Variants in CSMD1 observed in about 807,000 individuals in gnomAD.
CSMD1 encodes CUB and sushi domain-containing protein 1.
A neutral mutation model predicts 417.5 loss-of-function variants in CSMD1; 213 were observed. The ratio of observed to expected loss-of-function variants is 0.51; its 90% confidence interval spans 0.46 to 0.57. The LOEUF (loss-of-function observed/expected upper bound fraction) is 0.57, where lower values mean the gene tolerates loss of function less well. CSMD1 is among the 20% of genes least tolerant of loss of function. The pLI, the probability that CSMD1 is intolerant of heterozygous loss-of-function variation, is 0.00. For synonymous variants in CSMD1, 2,862 were observed against 1,736.8 expected, an observed-to-expected ratio of 1.65 and a Z score of -16.11; for missense variants, 6,923 against 4,529.7, an observed-to-expected ratio of 1.53 and a Z score of -15.17.
rs143236670 is a variant in CSMD1 at position 3,160,264 on chromosome 8, A to AG, written c.5844+1894dup. ...CAGCCTCCCAGGTAACTGGGACTAA[A>AG]GGAATGCGCCGCCATGCCCAGCTCA... On this transcript the variant is annotated intron_variant, in intron 38 of 69. Coordinates refer to ENST00000635120, the MANE Select transcript of CSMD1 (RefSeq NM_033225.6). Among the ~76,000 whole-genome samples the AG allele has an allele frequency of 4.9e-3, 752 of 152,274 alleles. 5 individuals carry two copies. The highest frequency in any genetic ancestry group is 0.017 in the African/African-American group (724 of 41,566).
At chr8:4,932,374 C>T (rs572779290) in intron 1 of CSMD1, among the ~76,000 whole-genome samples, 2 of 151,492 alleles carry the variant, frequency 1.3e-5, no homozygotes, top group East Asian at 1.9e-4. Flanking sequence ...ATTTCAGAAA[C>T]TAGAATATCT....
chr8:3,818,817 G>T (rs1469249267), intron 5 of CSMD1, among the ~76,000 whole-genome samples: 1 of 152,100 alleles, frequency 6.6e-6, no homozygotes, highest in South Asian at 2.1e-4. Context: ...CCTTTGAGTC[G>T]CTGTTTAACT....
intron 57 of CSMD1, among the ~76,000 whole-genome samples, chr8:2,968,710 G>A (rs1188493165): frequency 6.6e-6 from 1 of 151,792 alleles, no homozygotes; most frequent in Non-Finnish European, 1.5e-5. Context: ...ACAGGACTAA[G>A]ACTAAAACAA....
intron 3 of CSMD1, among the ~76,000 whole-genome samples, chr8:4,316,298 G>A (rs1400810319): frequency 6.6e-6 from 1 of 152,096 alleles, no homozygotes; most frequent in Admixed American, 6.6e-5. Context: ...ATATCTCAAG[G>A]AATGCTGCAG....
At chr8:3,227,959 G>A (rs181132029) in intron 27 of CSMD1, among the ~76,000 whole-genome samples, 313 of 151,150 alleles carry the variant, frequency 2.1e-3, no homozygotes, top group African/African-American at 7.3e-3. Flanking sequence ...GTAGAGATAG[G>A]GTTTCACCAT....
At chr8:4,114,419 T>A (rs1563141175) in intron 3 of CSMD1, among the ~76,000 whole-genome samples, 1 of 152,216 alleles carries the variant, frequency 6.6e-6, no homozygotes, top group Admixed American at 6.5e-5. Flanking sequence ...TTACTGCTCA[T>A]TGACAACACA....
intron 2 of CSMD1, among the ~76,000 whole-genome samples, chr8:4,533,229 G>T (rs571754374): frequency 2.0e-5 from 3 of 152,346 alleles, no homozygotes; most frequent in African/African-American, 4.8e-5. Flanking sequence ...AAAGAGCTCA[G>T]TGGTGCTCCA....
At chr8:3,166,061 A>ATCC (rs1820190537) in intron 37 of CSMD1, among the ~76,000 whole-genome samples, 1 of 152,126 alleles carries the variant, frequency 6.6e-6, no homozygotes, top group Non-Finnish European at 1.5e-5. Flanking sequence ...TGTGAAACAA[A>ATCC]TATGATATGA....
At chr8:3,916,075 C>G (rs991194408) in intron 5 of CSMD1, among the ~76,000 whole-genome samples, 13 of 151,772 alleles carry the variant, frequency 8.6e-5, no homozygotes, top group Non-Finnish European at 1.9e-4. Context: ...AAAGTGTCTG[C>G]TCTGGAAGTC....
chr8:3,015,670 C>T (rs982908580), intron 52 of CSMD1, among the ~76,000 whole-genome samples: 1 of 152,012 alleles, frequency 6.6e-6, no homozygotes, highest in Non-Finnish European at 1.5e-5. Flanking sequence ...CTACAAGTAT[C>T]TCGTTTACCC....
chr8:3,280,091 G>T (rs1802615697), intron 26 of CSMD1, among the ~76,000 whole-genome samples: 1 of 152,100 alleles, frequency 6.6e-6, no homozygotes, highest in Admixed American at 6.5e-5. Context: ...GAAGAGAGAG[G>T]TACTAGGCCT....
At chr8:4,818,115 A>T (rs1398617516) in intron 1 of CSMD1, among the ~76,000 whole-genome samples, 1 of 152,188 alleles carries the variant, frequency 6.6e-6, no homozygotes, top group East Asian at 1.9e-4. Flanking sequence ...CAGAACTAAA[A>T]GTCGGGAAGC....
At chr8:3,451,648 G>C (rs538351514) in intron 12 of CSMD1, among the ~76,000 whole-genome samples, 7 of 152,196 alleles carry the variant, frequency 4.6e-5, no homozygotes, top group South Asian at 4.2e-4. Flanking sequence ...TTATTTCTGA[G>C]GGCTCTGTTC....
intron 5 of CSMD1, among the ~76,000 whole-genome samples, chr8:3,961,803 T>A (rs2129986525): frequency 6.6e-6 from 1 of 152,304 alleles, no homozygotes; most frequent in South Asian, 2.1e-4. Flanking sequence ...TTTTTAATAT[T>A]TCCCGCTAGA....
At chr8:3,441,080 C>A (rs1814952190) in intron 12 of CSMD1, among the ~76,000 whole-genome samples, 1 of 152,094 alleles carries the variant, frequency 6.6e-6, no homozygotes, top group African/African-American at 2.4e-5. Context: ...AAAACAGACA[C>A]CAAGAGAAAC....
chr8:4,856,108 T>C (rs1262312215), intron 1 of CSMD1, among the ~76,000 whole-genome samples: 2 of 151,878 alleles, frequency 1.3e-5, no homozygotes, highest in Non-Finnish European at 2.9e-5. Flanking sequence ...GGGGCCAATA[T>C]TCAACATTCT....
chr8:3,573,536 G>A (rs1440425278), intron 10 of CSMD1, among the ~76,000 whole-genome samples: 5 of 151,960 alleles, frequency 3.3e-5, no homozygotes, highest in African/African-American at 1.2e-4. Context: ...ACCCAGCTCT[G>A]CTCATTAAAG....
At chr8:2,985,696 G>C (rs1299857123) in intron 54 of CSMD1, among the ~76,000 whole-genome samples, 1 of 152,186 alleles carries the variant, frequency 6.6e-6, no homozygotes, top group Non-Finnish European at 1.5e-5. Flanking sequence ...AGTCATAGGA[G>C]AGGGTGACTC....
Position 3,244,767 on chromosome 8 carries a change from C to T in CSMD1, c.4154-14536G>A, listed in dbSNP as rs78404135. On this transcript the variant is annotated intron_variant, in intron 26 of 69. Coordinates refer to ENST00000635120, the MANE Select transcript of CSMD1 (RefSeq NM_033225.6). ...AATGGGAGGGATATAAAGTAATAAG[C>T]GGAAATCCAGTATCTGCACACCCTC... 3.4e-3 allele frequency among the ~76,000 whole-genome samples: 521 copies of T among 152,292 alleles called. 5 individuals carry two copies. Among genetic ancestry groups the T allele is most frequent in the Middle Eastern group, 0.017 (5 of 294 alleles).
Sources: allele counts gnomAD v4.1 joint callset (sites outside exome capture counted in the v4.1 genomes callset), GRCh38; gene constraint gnomAD v4.1.1; transcripts MANE v1.5; gene names NCBI Gene and HGNC (gene_info 2026-07-23, HGNC 2026-07-21).